LRRIQ1: variants seen among roughly 807,000 people sequenced by gnomAD.
The protein encoded by LRRIQ1 is leucine rich repeats and IQ motif containing 1, also known as leucine-rich repeat- and IQ domain-containing protein 1.
LRRIQ1 carries 210 observed loss-of-function variants against 211.9 expected under a neutral mutation model. That is an observed-to-expected ratio of 0.99 (90% CI 0.89 to 1.11). LRRIQ1 has a LOEUF of 1.11. Ranked by LOEUF, LRRIQ1 falls within the 50% of genes most tolerant of loss-of-function variation. The probability of loss-of-function intolerance (pLI) is 0.00; values close to 1 mark genes in which losing one functional copy is unlikely to be tolerated. For synonymous variants in LRRIQ1, 699 were observed against 650.1 expected (o/e 1.08, Z -1.14); for missense variants, 2,136 against 1,939.5 (o/e 1.10, Z -1.90).
chr12:85,146,734 G>A (rs1889915735), intron 19 of LRRIQ1, among the ~76,000 whole-genome samples: 1 of 151,654 alleles, frequency 6.6e-6, no homozygotes, highest in African/African-American at 2.4e-5. Context: ...CTTTCATCTT[G>A]AAAGTTCAGG....
intron 23 of LRRIQ1, among the ~76,000 whole-genome samples, chr12:85,158,872 A>T (rs987500607): frequency 2.8e-5 from 4 of 141,938 alleles, no homozygotes; most frequent in Non-Finnish European, 6.2e-5. Flanking sequence ...CTTTTTTTTT[A>T]ACTGGGTTGT....
chr12:85,100,916 GA>G (rs1886301774), intron 13 of LRRIQ1, among the ~76,000 whole-genome samples: 1 of 151,676 alleles, frequency 6.6e-6, no homozygotes, highest in African/African-American at 2.4e-5. Flanking sequence ...TCTTACATGT[GA>G]AATGACTTTT....
At chr12:85,224,383 G>A (rs975293214) in intron 24 of LRRIQ1, among the ~76,000 whole-genome samples, 3 of 152,054 alleles carry the variant, frequency 2.0e-5, no homozygotes, top group Non-Finnish European at 4.4e-5. Flanking sequence ...TCCCATTAGC[G>A]GGTATATACC....
chr12:85,086,542 G>C (rs1884838567), intron 11 of LRRIQ1, among the ~76,000 whole-genome samples: 1 of 151,936 alleles, frequency 6.6e-6, no homozygotes, highest in Admixed American at 6.6e-5. Context: ...TATGCTTCCT[G>C]TAAAGCCTGG....
chr12:85,080,077 G>A (rs558090232), intron 11 of LRRIQ1, among the ~76,000 whole-genome samples: 43 of 151,946 alleles, frequency 2.8e-4, no homozygotes, highest in Non-Finnish European at 4.6e-4. Flanking sequence ...GCGCACACAC[G>A]TACCCACAAA....
intron 26 of LRRIQ1, among the ~76,000 whole-genome samples, chr12:85,237,823 A>G (rs1311577245): frequency 6.6e-6 from 1 of 152,190 alleles, no homozygotes; most frequent in Non-Finnish European, 1.5e-5. Flanking sequence ...AAAAGCTAAC[A>G]GAGTTTAAAG....
In LRRIQ1 at chr12:85,107,476, A is replaced by G. The variant is rs564842242; in HGVS notation, c.3377+861A>G. Among the ~76,000 whole-genome samples the G allele has an allele frequency of 3.4e-4, 51 of 152,220 alleles. No individual in the cohort carries two copies. In the South Asian group the frequency reaches 0.011, roughly 32 times the overall value. ...ATGATTTTAAGATTTTCTCTTGATC[A>G]CTGGTATTCAACAATTTGATTACAG... On this transcript the variant is annotated intron_variant, in intron 15 of 26. Transcript: ENST00000393217.
rs990513774 is a variant in LRRIQ1 at position 85,044,940 on chromosome 12, A to G, written c.336+131A>G. 10 of 425,764 alleles carry G rather than the reference A, an allele frequency of 2.3e-5. No homozygotes were observed. In the Admixed American group the frequency reaches 4.3e-4, roughly 18 times the overall value. 26.4% of individuals were successfully genotyped at this position (425,764 alleles called of 1,614,324 possible). ...TTAAAAATTTAATTATTCTTAAGCA[A>G]ATCATCTGTGGTTTTATGGTTTCTT... On this transcript the variant is annotated intron_variant, in intron 4 of 26. Coordinates refer to ENST00000393217, the MANE Select transcript of LRRIQ1 (RefSeq NM_001079910.2).
chr12:85,201,491 C>A (rs1426368474), intron 24 of LRRIQ1, among the ~76,000 whole-genome samples: 2 of 152,026 alleles, frequency 1.3e-5, no homozygotes, highest in African/African-American at 4.8e-5. Flanking sequence ...TTTAGAGATT[C>A]AGTTTCCTCC....
chr12:85,263,361 T>G (rs1346940209), exon 2 of LRRIQ1: 10 of 152,116 alleles, frequency 6.6e-5, no homozygotes. Flanking sequence ...TCCAGATAGC[T>G]TTTGTTACCA....
At position 85,056,190 on chromosome 12, in the gene LRRIQ1, A is replaced by G. The variant is rs1301221845; in HGVS notation, c.1397A>G (p.Lys466Arg). 6.3e-7 allele frequency: 1 copy of G among 1,577,120 alleles called. No homozygotes were observed. The highest frequency in any genetic ancestry group is 8.5e-7 in the Non-Finnish European group (1 of 1,169,898). ...AAAGAATCAATACAAGTAAAGTTAA[A>G]AGAATCTATATCAAGCCAAACAATT... is the stretch of plus-strand genomic sequence containing the variant. Reference protein sequence around the residue: ...ILKESIQVKLKESISSQTILA... With the variant: ...ILKESIQVKLRESISSQTILA... Residue 466 changes from lysine to arginine, a missense_variant, in exon 8 of 27, where the codon AAA becomes AGA. Coordinates refer to ENST00000393217, the MANE Select transcript of LRRIQ1 (RefSeq NM_001079910.2).
At chr12:85,078,026 C>T (rs1883858052) in intron 11 of LRRIQ1, among the ~76,000 whole-genome samples, 1 of 151,700 alleles carries the variant, frequency 6.6e-6, no homozygotes, top group African/African-American at 2.4e-5. Flanking sequence ...AGGGTAGCAA[C>T]TTACTCTAAC....
chr12:85,176,762 T>TAA (rs575137030), intron 24 of LRRIQ1, among the ~76,000 whole-genome samples: 47 of 151,628 alleles, frequency 3.1e-4, no homozygotes, highest in African/African-American at 9.9e-4. Flanking sequence ...AAAAAAATTT[T>TAA]AAAAAAAATA....
At chr12:85,229,310 G>T (rs184909790) in intron 24 of LRRIQ1, among the ~76,000 whole-genome samples, 213 of 152,130 alleles carry the variant, frequency 1.4e-3, no homozygotes, top group African/African-American at 4.8e-3. Flanking sequence ...TTTCAAAATA[G>T]ATGGGTTTGA....
chr12:85,057,414 T>C (rs1033190795), intron 8 of LRRIQ1, among the ~76,000 whole-genome samples: 5 of 152,046 alleles, frequency 3.3e-5, no homozygotes, highest in African/African-American at 1.2e-4. Flanking sequence ...TATTTTTTAA[T>C]ATCTTGAAGC....
At chr12:85,227,210 C>T (rs540685708) in intron 24 of LRRIQ1, among the ~76,000 whole-genome samples, 1 of 152,204 alleles carries the variant, frequency 6.6e-6, no homozygotes, top group South Asian at 2.1e-4. Flanking sequence ...CTGTTGTTGC[C>T]TGACTTTTTA....
At chr12:85,099,061 A>G (rs1731116218) in intron 13 of LRRIQ1, 67 bp downstream of exon 13, 1 of 1,109,396 alleles carries the variant, frequency 9.0e-7, no homozygotes, top group East Asian at 2.9e-5. Flanking sequence ...ATGTTCATAA[A>G]CTACCATAAA....
chr12:85,084,348 T>G (rs534363377), intron 11 of LRRIQ1, among the ~76,000 whole-genome samples: 1 of 151,908 alleles, frequency 6.6e-6, no homozygotes, highest in East Asian at 1.9e-4. Context: ...AAATAATAAT[T>G]TTTTTGAAAT....
At chr12:85,169,227 G>A (rs1394046957) in intron 24 of LRRIQ1, among the ~76,000 whole-genome samples, 1 of 152,122 alleles carries the variant, frequency 6.6e-6, no homozygotes, top group African/African-American at 2.4e-5. Context: ...GGATAAAATA[G>A]CAAAATCTTG....
Sources: allele counts gnomAD v4.1 joint callset (sites outside exome capture counted in the v4.1 genomes callset), GRCh38; gene constraint gnomAD v4.1.1; transcripts MANE v1.5; gene names NCBI Gene and HGNC (gene_info 2026-07-23, HGNC 2026-07-21).